The following UNC93B1 variants were observed in gnomAD, a reference collection of about 807,000 sequenced individuals.
UNC93B1 encodes protein unc-93 homolog B1.
UNC93B1 carries 33 observed loss-of-function variants against 56.8 expected under a neutral mutation model. The ratio of observed to expected loss-of-function variants is 0.58; its 90% CI spans 0.44 to 0.78. UNC93B1 has a LOEUF of 0.78. Ranked by LOEUF, UNC93B1 falls within the 30% of genes least tolerant of loss-of-function variation. The probability of loss-of-function intolerance (pLI) is 0.00; values close to 1 mark genes in which losing one functional copy is unlikely to be tolerated. For missense variants in UNC93B1, 673 were observed against 819.5 expected (o/e 0.82, Z 2.18); for synonymous variants, 334 against 358.6 (o/e 0.93, Z 0.77).
chr11:67,991,899 C>G (rs4014594), intron 10 of UNC93B1, 42 bp from the exon 11 acceptor site: 328 of 1,518,152 alleles, frequency 2.2e-4, no homozygotes, highest in Admixed American at 3.2e-4. Flanking sequence ...GCGGCCGCCT[C>G]GCCCCGCACC....
chr11:67,996,081 G>C, intron 8 of UNC93B1, 197 bp from the exon 9 acceptor site: 1 of 383,438 alleles, frequency 2.6e-6, no homozygotes, highest in Non-Finnish European at 4.6e-6. Flanking sequence ...AGAGTCGGGG[G>C]GAAAAGAGGG....
rs1021199376 is a variant in UNC93B1, at chr11:67,993,869, G to A, written c.1364-75C>T. On this transcript the variant is annotated intron_variant, in intron 9 of 10. Transcript: ENST00000227471. ...CTGGGGCTACCGAGCTACCATCTACGAACTTTACTAAGCCCTGTATGGGTC... is the reference window on the plus strand; with the variant it reads ...CTGGGGCTACCGAGCTACCATCTACAAACTTTACTAAGCCCTGTATGGGTC... The A allele has an allele frequency of 4.6e-4, 463 of 1,013,972 alleles. 3 individuals are homozygous for A. Among genetic ancestry groups the A allele is most frequent in the Middle Eastern group, 3.0e-4 (1 of 3,340 alleles). 62.8% of individuals were successfully genotyped at this position (1,013,972 alleles called of 1,614,324 possible). A position where few individuals can be genotyped will look rare whatever the true frequency, so the allele number is the denominator to read the frequency against.
chr11:67,999,140 CT>C lies in UNC93B1; in HGVS notation c.687+32del. Reference sequence around the variant, plus strand: ...TGGGCTCCAATGCGTGGGTCTGCCCCTGCCACCCAACAATGGCCCACGTGGC... The same window carrying C: ...TGGGCTCCAATGCGTGGGTCTGCCCCGCCACCCAACAATGGCCCACGTGGC... On this transcript the variant is annotated intron_variant, in intron 5 of 10. Coordinates refer to ENST00000227471, the MANE Select transcript of UNC93B1 (RefSeq NM_030930.4). The C allele has an allele frequency of 2.5e-6, 4 of 1,613,128 alleles. No individual in the cohort carries two copies. In the South Asian group the frequency reaches 4.4e-5, roughly 18 times the overall value.
At chr11:67,996,850 G>A in intron 7 of UNC93B1, 66 bp from the exon 8 acceptor site, 1 of 1,442,684 alleles carries the variant, frequency 6.9e-7, no homozygotes, top group Non-Finnish European at 9.2e-7. Context: ...CTTCAGCCCC[G>A]CCCTTCAGAT....
intron 10 of UNC93B1, among the ~76,000 whole-genome samples, chr11:67,992,210 C>T (rs1856856746): frequency 6.6e-6 from 1 of 152,236 alleles, no homozygotes; most frequent in African/African-American, 2.4e-5. Context: ...CTGACACACC[C>T]GTGGGCTGTA....
chr11:68,003,905 C>A lies in UNC93B1; in HGVS notation c.96+43G>T. 1 of 1,337,558 alleles carries A rather than the reference C, an allele frequency of 7.5e-7. No homozygotes were observed. Among genetic ancestry groups the A allele is most frequent in the Non-Finnish European group, 9.6e-7 (1 of 1,042,650 alleles). 82.9% of individuals were successfully genotyped at this position (1,337,558 alleles called of 1,614,324 possible). The stretch of plus-strand genomic sequence containing the variant: ...CCGCCCCCGCCGGGGGGACCCTGGC[C>A]CACAGGGGACGCCCGCGCCTCGCAC... On this transcript the variant is annotated intron_variant, in intron 1 of 10. Transcript: ENST00000227471. This position sits in a 1 kb window ranked among gnomAD's most constrained non-coding sequence, Gnocchi z 4.4.
chr11:67,997,872 G>C (rs752747912), intron 6 of UNC93B1, 73 bp from the exon 7 acceptor site: 14 of 1,560,576 alleles, frequency 9.0e-6, no homozygotes, highest in Non-Finnish European at 1.2e-5. Flanking sequence ...CCAGGGTGGA[G>C]CCACGCAGGC....
At chr11:67,995,327 C>G (rs1430383152) in intron 9 of UNC93B1, among the ~76,000 whole-genome samples, 1 of 152,066 alleles carries the variant, frequency 6.6e-6, no homozygotes, top group African/African-American at 2.4e-5. Flanking sequence ...GCCCTGTGCC[C>G]GCTCTGGGGT....
intron 8 of UNC93B1, chr11:67,996,115 C>CG (rs1250394267): frequency 2.7e-5 from 5 of 186,402 alleles, no homozygotes; most frequent in African/African-American, 7.6e-5. Flanking sequence ...CCCCGCATCG[C>CG]GGGGGGGTGC....
rs1384922068 is a variant in UNC93B1, at chr11:67,999,263, C to T, written c.597G>A (p.Gln199=). ...KYHEYSHYKE[Q]DGQGMKQRPP... ...GCCGCTGCTTCATCCCCTGCCCATC[C>T]TGCTCCTTGTAGTGGGAGTACTCAT... The change falls in exon 5 of 11, where the codon CAG becomes CAA. Residue 199 remains glutamine (Q), a synonymous_variant. Coordinates refer to ENST00000227471, the MANE Select transcript of UNC93B1 (RefSeq NM_030930.4). 6.2e-7 allele frequency: 1 copy of T among 1,613,800 alleles called. No homozygotes were observed. Among genetic ancestry groups the T allele is most frequent in the East Asian group, 2.2e-5 (1 of 44,890 alleles).
intron 8 of UNC93B1, 162 bp from the exon 9 acceptor site, chr11:67,996,046 T>A: frequency 2.2e-6 from 1 of 453,260 alleles, no homozygotes; most frequent in Non-Finnish European, 3.7e-6. Context: ...GGGGGGTGCC[T>A]CACCCCCCTG....
In UNC93B1 at chr11:67,995,717, G is replaced by T. The variant is rs1485788433; in HGVS notation, c.1257C>A (p.Leu419=). Residue 419 remains leucine, a synonymous_variant, in exon 9 of 11, where the codon CTC becomes CTA. Coordinates refer to ENST00000227471, the MANE Select transcript of UNC93B1 (RefSeq NM_030930.4). ...AGVHLLLTFI[L]FFWAPVPRVL... ...CCCGAGGCACAGGGGCCCAGAAAAA[G>T]AGGATGAAGGTGAGCAGCAGGTGCA... The T allele has an allele frequency of 1.3e-6, 2 of 1,548,644 alleles. No individual in the cohort carries two copies. The highest frequency in any genetic ancestry group is 4.9e-5 in the East Asian group (2 of 40,880).
Position 67,991,225 on chromosome 11 carries a change from G to A in UNC93B1, c.*321C>T, listed in dbSNP as rs1418294154. The stretch of plus-strand genomic sequence containing the variant: ...CCCGGGTCCGCGGCCGAGAGCTGTG[G>A]GGATCTGGAGCGGGCCGGGTCGCAA... On this transcript the variant is annotated 3_prime_UTR_variant, in exon 11 of 11. Coordinates refer to ENST00000227471, the MANE Select transcript of UNC93B1 (RefSeq NM_030930.4). 3.4e-6 allele frequency: 1 copy of A among 292,836 alleles called. No individual in the cohort carries two copies. The highest frequency in any genetic ancestry group is 6.3e-6 in the Non-Finnish European group (1 of 158,662). 18.1% of individuals were successfully genotyped at this position (292,836 alleles called of 1,614,324 possible). A position where few individuals can be genotyped will look rare whatever the true frequency, so the allele number is the denominator to read the frequency against.
intron 3 of UNC93B1, among the ~76,000 whole-genome samples, chr11:68,002,320 T>TGG (rs1438481801): frequency 6.6e-6 from 1 of 151,968 alleles, no homozygotes; most frequent in Non-Finnish European, 1.5e-5. Context: ...AGGGCTTAGA[T>TGG]GGGGTTTCTT....
Position 67,996,752 on chromosome 11 carries a change from G to C in UNC93B1, c.939C>G (p.Pro313=), listed in dbSNP as rs1486560666. 1 of 1,562,698 alleles carries C rather than the reference G, an allele frequency of 6.4e-7. No homozygotes were observed. The highest frequency in any genetic ancestry group is 1.9e-5 in the Admixed American group (1 of 53,316). Residue 313 remains proline, a synonymous_variant, in exon 8 of 11, where the codon CCC becomes CCG. Coordinates refer to ENST00000227471, the MANE Select transcript of UNC93B1 (RefSeq NM_030930.4). ...CGCTGCGCAGATCGATCTCCTCCGT[G>C]GGCCGGTAAGCGGCTCCGCACAAAC... ...VLGLCGAAYR[P]TEEIDLRSVG...
chr11:67,998,232 T>TAA, intron 6 of UNC93B1, 127 bp downstream of exon 6: 1 of 1,074,400 alleles, frequency 9.3e-7, no homozygotes, highest in Non-Finnish European at 1.4e-6. Flanking sequence ...CAGGGCCCTG[T>TAA]GTCTTGCCCA....
chr11:68,001,692 TA>T (rs35024620), intron 3 of UNC93B1, among the ~76,000 whole-genome samples: 18,582 of 145,362 alleles, frequency 0.13, 1,288 homozygotes, highest in Middle Eastern at 0.16. Context: ...ACACATAATT[TA>T]AAAAAAAAAA....
chr11:67,998,241 C>T, intron 6 of UNC93B1, 118 bp downstream of exon 6: 3 of 1,208,858 alleles, frequency 2.5e-6, no homozygotes, highest in Non-Finnish European at 2.4e-6. Flanking sequence ...GTGTCTTGCC[C>T]ACCAGAGCCG....
At chr11:68,002,874 A>G in intron 3 of UNC93B1, 148 bp downstream of exon 3, 2 of 1,082,842 alleles carry the variant, frequency 1.8e-6, no homozygotes, top group Non-Finnish European at 2.5e-6. Context: ...CACCCCCTTC[A>G]CTCTCAGGCT....
Sources: allele counts gnomAD v4.1 joint callset (sites outside exome capture counted in the v4.1 genomes callset), GRCh38; gene constraint gnomAD v4.1.1; non-coding constraint Gnocchi (gnomAD v3.1); transcripts MANE v1.5; gene names NCBI Gene and HGNC (gene_info 2026-07-23, HGNC 2026-07-21).